ARHGAP28: variants seen among roughly 807,000 people sequenced by gnomAD.
ARHGAP28 encodes rho GTPase-activating protein 28.
Under a neutral mutation model 90.7 loss-of-function variants are expected in ARHGAP28, and 56 were observed. The observed-to-expected ratio is 0.62, with a 90% CI of 0.50 to 0.77. ARHGAP28 has a LOEUF of 0.77. ARHGAP28 is among the 30% of genes least tolerant of loss of function. The probability of loss-of-function intolerance (pLI) is 0.00; values close to 1 mark genes in which losing one functional copy is unlikely to be tolerated. For synonymous variants in ARHGAP28, 308 were observed against 323.3 expected, an observed-to-expected ratio of 0.95 and a Z score of 0.51; for missense variants, 869 against 900.9, an observed-to-expected ratio of 0.96 and a Z score of 0.45.
intron 1 of ARHGAP28, among the ~76,000 whole-genome samples, chr18:6,750,994 A>G (rs1311258780): frequency 6.6e-6 from 1 of 152,126 alleles, no homozygotes; most frequent in Non-Finnish European, 1.5e-5. Context: ...AAAGGTAATT[A>G]TGATGTTACT....
At position 6,793,113 on chromosome 18, in the gene ARHGAP28, T is replaced by G. The variant is rs144136677; in HGVS notation, c.123-31649T>G. 4.9e-3 allele frequency among the ~76,000 whole-genome samples: 748 copies of G among 152,338 alleles called. 6 individuals are homozygous for G. Among genetic ancestry groups the G allele is most frequent in the African/African-American group, 0.017 (696 of 41,574 alleles). ...GCCCAAAAGACTATTTTTCTTTAAGTCATGACTGGGGCAAGTGATTTGACA... is the reference window on the plus strand; with the variant it reads ...GCCCAAAAGACTATTTTTCTTTAAGGCATGACTGGGGCAAGTGATTTGACA... On this transcript the variant is annotated intron_variant, in intron 1 of 17. Coordinates refer to ENST00000383472, the MANE Select transcript of ARHGAP28 (RefSeq NM_001366230.1).
At chr18:6,771,078 C>T (rs563730228) in intron 1 of ARHGAP28, among the ~76,000 whole-genome samples, 42 of 151,872 alleles carry the variant, frequency 2.8e-4, no homozygotes, top group African/African-American at 1.0e-3. Context: ...GCTCTGTCAC[C>T]CAGCCTGGAG....
chr18:6,885,698 A>G (rs1227904875), intron 11 of ARHGAP28, among the ~76,000 whole-genome samples: 1 of 152,190 alleles, frequency 6.6e-6, no homozygotes, highest in African/African-American at 2.4e-5. Context: ...TATTTGCCAA[A>G]TTAAACTTAA....
chr18:6,890,656 C>A, intron 14 of ARHGAP28, 113 bp downstream of exon 14: 1 of 613,100 alleles, frequency 1.6e-6, no homozygotes, highest in Non-Finnish European at 2.8e-6. Flanking sequence ...TCTCAAGGAT[C>A]AGGGAGTGTT....
intron 1 of ARHGAP28, among the ~76,000 whole-genome samples, chr18:6,779,474 G>T (rs1231736208): frequency 6.6e-6 from 1 of 152,120 alleles, no homozygotes; most frequent in Non-Finnish European, 1.5e-5. Context: ...GCATCTACTT[G>T]GTTTTCACAA....
intron 1 of ARHGAP28, among the ~76,000 whole-genome samples, chr18:6,738,483 C>T (rs1362210503): frequency 2.0e-5 from 3 of 152,066 alleles, no homozygotes; most frequent in African/African-American, 7.2e-5. Flanking sequence ...CTGATCAATG[C>T]ATTTGCCTTA....
At chr18:6,738,543 T>C (rs2055947932) in intron 1 of ARHGAP28, among the ~76,000 whole-genome samples, 1 of 152,206 alleles carries the variant, frequency 6.6e-6, no homozygotes, top group African/African-American at 2.4e-5. Flanking sequence ...GGCCCATCAA[T>C]TATTTTAGGT....
At chr18:6,862,339 C>T (rs188453801) in intron 5 of ARHGAP28, among the ~76,000 whole-genome samples, 7 of 152,128 alleles carry the variant, frequency 4.6e-5, no homozygotes, top group African/African-American at 7.2e-5. Flanking sequence ...GCTAAATTCC[C>T]GGGGCCAACT....
chr18:6,808,170 T>C (rs2056532494), intron 1 of ARHGAP28, among the ~76,000 whole-genome samples: 1 of 152,198 alleles, frequency 6.6e-6, no homozygotes, highest in Non-Finnish European at 1.5e-5. Flanking sequence ...TGTTTATTTA[T>C]TTTTTCACTC....
At chr18:6,878,085 A>G (rs1050747542) in intron 10 of ARHGAP28, among the ~76,000 whole-genome samples, 7 of 152,096 alleles carry the variant, frequency 4.6e-5, no homozygotes, top group Non-Finnish European at 8.8e-5. Flanking sequence ...AAAGGAGAAA[A>G]CATTACAGAG....
intron 1 of ARHGAP28, among the ~76,000 whole-genome samples, chr18:6,803,879 C>T (rs888689432): frequency 3.3e-5 from 5 of 152,096 alleles, no homozygotes; most frequent in East Asian, 1.9e-4. Context: ...CCCGGGTTCA[C>T]GCCATTCTCC....
chr18:6,821,675 G>A (rs2056627926), intron 1 of ARHGAP28, among the ~76,000 whole-genome samples: 1 of 152,136 alleles, frequency 6.6e-6, no homozygotes, highest in African/African-American at 2.4e-5. Flanking sequence ...CCAAAAAAAA[G>A]CTGATCATTG....
At chr18:6,854,393 ATCT>A (rs2056935705) in intron 4 of ARHGAP28, among the ~76,000 whole-genome samples, 1 of 152,036 alleles carries the variant, frequency 6.6e-6, no homozygotes, top group South Asian at 2.1e-4. Flanking sequence ...TTTCACAAAG[ATCT>A]TCTTTTTATC....
intron 16 of ARHGAP28, among the ~76,000 whole-genome samples, chr18:6,904,534 T>A (rs1322588943): frequency 6.6e-6 from 1 of 152,198 alleles, no homozygotes; most frequent in African/African-American, 2.4e-5. Context: ...TTCCTACCTC[T>A]AAAAACTACA....
At chr18:6,851,792 G>C (rs1337466885) in intron 4 of ARHGAP28, among the ~76,000 whole-genome samples, 2 of 152,118 alleles carry the variant, frequency 1.3e-5, no homozygotes, top group African/African-American at 4.8e-5. Flanking sequence ...AAAGAAGCCA[G>C]ACCCAAAAAT....
At chr18:6,793,882 T>C (rs1158530454) in intron 1 of ARHGAP28, among the ~76,000 whole-genome samples, 1 of 152,066 alleles carries the variant, frequency 6.6e-6, no homozygotes, top group African/African-American at 2.4e-5. Flanking sequence ...TGCTAGAGGC[T>C]CTGTTAGATC....
intron 12 of ARHGAP28, among the ~76,000 whole-genome samples, chr18:6,889,403 G>A (rs1054432238): frequency 1.4e-4 from 21 of 152,068 alleles, no homozygotes; most frequent in African/African-American, 4.8e-4. Context: ...TTACATTTGG[G>A]CTGAGGAATG....
intron 1 of ARHGAP28, among the ~76,000 whole-genome samples, chr18:6,801,884 A>G (rs951067986): frequency 4.6e-5 from 7 of 152,094 alleles, no homozygotes; most frequent in Non-Finnish European, 8.8e-5. Flanking sequence ...CTAACTGTAA[A>G]TTTGTACCCA....
chr18:6,865,495 CCTTACTGT>C (rs1411853165), intron 5 of ARHGAP28, among the ~76,000 whole-genome samples: 1 of 152,070 alleles, frequency 6.6e-6, no homozygotes, highest in Non-Finnish European at 1.5e-5. Flanking sequence ...AGATGAGGAG[CCTTACTGT>C]CTTGGTTTAA....
Sources: allele counts gnomAD v4.1 joint callset (sites outside exome capture counted in the v4.1 genomes callset), GRCh38; gene constraint gnomAD v4.1.1; transcripts MANE v1.5; gene names NCBI Gene and HGNC (gene_info 2026-07-23, HGNC 2026-07-21).